ZNF385D: variants seen among roughly 807,000 people sequenced by gnomAD.
The protein encoded by ZNF385D is zinc finger protein 659.
ZNF385D carries 15 observed loss-of-function variants against 35.8 expected under a neutral mutation model. The observed-to-expected ratio is 0.42, with a 90% CI of 0.28 to 0.64. The LOEUF (loss-of-function observed/expected upper bound fraction) is 0.64. Ranked by LOEUF, ZNF385D falls within the 30% of genes least tolerant of loss-of-function variation. The pLI is 0.23. For synonymous variants in ZNF385D, 212 were observed against 186.8 expected, an observed-to-expected ratio of 1.13 and a Z score of -1.10; for missense variants, 474 against 494.6, an observed-to-expected ratio of 0.96 and a Z score of 0.39.
intron 3 of ZNF385D, among the ~76,000 whole-genome samples, chr3:22,014,857 T>G (rs1374746883): frequency 2.0e-5 from 3 of 152,154 alleles, no homozygotes; most frequent in Non-Finnish European, 4.4e-5. Context: ...AAACTAATTT[T>G]GTACAAAATA....
intron 3 of ZNF385D, among the ~76,000 whole-genome samples, chr3:21,533,544 T>C (rs777625784): frequency 6.6e-6 from 1 of 152,042 alleles, no homozygotes; most frequent in Non-Finnish European, 1.5e-5. Context: ...TTATCATCCA[T>C]CTATATGACT....
At chr3:22,181,215 A>G (rs984407242) in intron 2 of ZNF385D, among the ~76,000 whole-genome samples, 1 of 152,126 alleles carries the variant, frequency 6.6e-6, no homozygotes, top group Non-Finnish European at 1.5e-5. Flanking sequence ...CTAACGATTC[A>G]GGATATCTTC....
At chr3:22,369,338 C>T (rs1052329489) in intron 2 of ZNF385D, among the ~76,000 whole-genome samples, 1 of 152,128 alleles carries the variant, frequency 6.6e-6, no homozygotes, top group African/African-American at 2.4e-5. Context: ...GATTATAAGG[C>T]TAACCATTTA....
At chr3:21,514,684 A>G (rs1048746832) in intron 3 of ZNF385D, among the ~76,000 whole-genome samples, 2 of 151,720 alleles carry the variant, frequency 1.3e-5, no homozygotes, top group African/African-American at 2.4e-5. Context: ...TGCTTGCTGT[A>G]TGTCACTTTC....
intron 2 of ZNF385D, among the ~76,000 whole-genome samples, chr3:22,343,643 C>A (rs2125483278): frequency 6.6e-6 from 1 of 152,328 alleles, no homozygotes; most frequent in Middle Eastern, 3.4e-3. Context: ...TCACCTCACT[C>A]CCTACTAATC....
intron 4 of ZNF385D, among the ~76,000 whole-genome samples, chr3:21,459,874 C>A (rs1367776100): frequency 1.3e-5 from 2 of 151,912 alleles, no homozygotes; most frequent in Non-Finnish European, 2.9e-5. Flanking sequence ...ACTTTAGAAC[C>A]CAGCCCTCTA....
At chr3:21,715,198 T>C (rs1171104030) in intron 1 of ZNF385D, among the ~76,000 whole-genome samples, 1 of 152,174 alleles carries the variant, frequency 6.6e-6, no homozygotes, top group African/African-American at 2.4e-5. Flanking sequence ...ACCTGAATAA[T>C]GTACAGTGTA....
intron 3 of ZNF385D, among the ~76,000 whole-genome samples, chr3:21,988,753 C>T (rs1446150112): frequency 2.8e-4 from 43 of 151,692 alleles, no homozygotes; most frequent in African/African-American, 7.9e-4. Context: ...CAATGGCGGG[C>T]GCCCCTCCCC....
intron 3 of ZNF385D, among the ~76,000 whole-genome samples, chr3:21,861,891 T>A (rs1697073339): frequency 6.6e-6 from 1 of 152,094 alleles, no homozygotes; most frequent in Non-Finnish European, 1.5e-5. Flanking sequence ...CAGTGAGACA[T>A]GAAGGTCTAG....
chr3:21,491,509 T>C (rs1011001523), intron 4 of ZNF385D, among the ~76,000 whole-genome samples: 5 of 152,114 alleles, frequency 3.3e-5, no homozygotes, highest in Non-Finnish European at 5.9e-5. Context: ...TAATAAATGA[T>C]AGAGTTTTTT....
intron 3 of ZNF385D, among the ~76,000 whole-genome samples, chr3:22,078,392 T>C (rs945801523): frequency 6.6e-6 from 1 of 152,042 alleles, no homozygotes; most frequent in Non-Finnish European, 1.5e-5. Context: ...GAGAAAATGA[T>C]CCAACCATGC....
At chr3:22,024,210 A>T (rs1029996415) in intron 3 of ZNF385D, among the ~76,000 whole-genome samples, 3 of 152,060 alleles carry the variant, frequency 2.0e-5, no homozygotes, top group Admixed American at 6.6e-5. Context: ...TAAGTTCTTC[A>T]GTTTGGGCAC....
At chr3:22,328,986 A>C (rs567257122) in intron 2 of ZNF385D, among the ~76,000 whole-genome samples, 1 of 149,306 alleles carries the variant, frequency 6.7e-6, no homozygotes, top group East Asian at 2.1e-4. Flanking sequence ...CTGAGGCAGG[A>C]GAATGGCGTG....
In ZNF385D at chr3:22,326,116, T is replaced by C. The variant is rs75925245; in HGVS notation, c.106+46334A>G. Among the ~76,000 whole-genome samples the C allele has an allele frequency of 9.3e-3, 1,413 of 152,290 alleles. 18 individuals carry two copies. Among genetic ancestry groups the C allele is most frequent in the African/African-American group, 0.033 (1,352 of 41,542 alleles). ...TCCAGGAAGTTCCTAAAGCATGCAG[T>C]TCAATTTTGCCTCTGAATTTGCACT... On this transcript the variant is annotated intron_variant, in intron 2 of 5. Coordinates refer to the ZNF385D transcript ENST00000494108.
intron 3 of ZNF385D, among the ~76,000 whole-genome samples, chr3:22,105,213 C>T (rs1039869608): frequency 5.3e-5 from 8 of 151,592 alleles, no homozygotes; most frequent in Non-Finnish European, 1.0e-4. Flanking sequence ...AAAATAGTAT[C>T]ATTAAAATGA....
intron 2 of ZNF385D, among the ~76,000 whole-genome samples, chr3:22,353,902 G>C (rs921229358): frequency 4.6e-5 from 7 of 152,012 alleles, no homozygotes; most frequent in African/African-American, 1.7e-4. Flanking sequence ...TGAAATCATT[G>C]TTGATCTCCC....
chr3:22,081,130 C>G (rs1184081493), intron 3 of ZNF385D, among the ~76,000 whole-genome samples: 1 of 152,150 alleles, frequency 6.6e-6, no homozygotes, highest in African/African-American at 2.4e-5. Context: ...CTCCTATATC[C>G]ACTACATTTC....
chr3:21,741,448 A>G (rs887577331), intron 1 of ZNF385D, among the ~76,000 whole-genome samples: 1 of 152,174 alleles, frequency 6.6e-6, no homozygotes, highest in Non-Finnish European at 1.5e-5. Context: ...GCAGCTAATT[A>G]AAACACGTGA....
At chr3:21,782,489 A>C (rs536946598) in intron 3 of ZNF385D, among the ~76,000 whole-genome samples, 13 of 152,156 alleles carry the variant, frequency 8.5e-5, no homozygotes, top group African/African-American at 3.1e-4. Context: ...TTTATCTAGA[A>C]TTTGATCATT....
Sources: allele counts gnomAD v4.1 joint callset (sites outside exome capture counted in the v4.1 genomes callset), GRCh38; gene constraint gnomAD v4.1.1; transcripts MANE v1.5; gene names NCBI Gene and HGNC (gene_info 2026-07-23, HGNC 2026-07-21).